The following TMEM63A variants were observed in gnomAD, a reference collection of about 807,000 sequenced individuals.
TMEM63A encodes the protein mechanosensitive cation channel TMEM63A.
In TMEM63A, 76 loss-of-function variants were observed where a neutral mutation model predicts 100.6. That is an observed-to-expected ratio of 0.76 (90% CI 0.63 to 0.91). The LOEUF (loss-of-function observed/expected upper bound fraction) is 0.91. Among genes scored for constraint, TMEM63A ranks in the 40% least tolerant of loss-of-function variants. TMEM63A has a pLI of 0.00. For missense variants in TMEM63A, 876 were observed against 1,008.8 expected, an observed-to-expected ratio of 0.87 and a Z score of 1.78; for synonymous variants, 401 against 401.1, an observed-to-expected ratio of 1.00 and a Z score of 0.00.
chr1:225,860,849 T>C lies in TMEM63A; in HGVS notation c.1223+11A>G. 1.2e-6 allele frequency: 2 copies of C among 1,603,324 alleles called. No individual in the cohort carries two copies. The highest frequency in any genetic ancestry group is 2.2e-5 in the East Asian group (1 of 44,540). ...GCCTCTCTCCCACCTCTCCTTGGTC[T>C]AGGAGCTTACCAGCAGATGTCCTCA... On this transcript the variant is annotated intron_variant, in intron 14 of 24. Transcript: ENST00000366835.
intron 14 of TMEM63A, 160 bp from the exon 15 acceptor site, chr1:225,859,509 A>G (rs989119935): frequency 8.5e-6 from 7 of 823,464 alleles, no homozygotes; most frequent in African/African-American, 5.2e-5. Context: ...TAGGTCCCCA[A>G]GAGCTCAGAG....
At chr1:225,875,199 A>C (rs1279110273) in intron 3 of TMEM63A, among the ~76,000 whole-genome samples, 1 of 152,164 alleles carries the variant, frequency 6.6e-6, no homozygotes, top group Non-Finnish European at 1.5e-5. Context: ...CACCACGAGA[A>C]CCTGTGCTCG....
chr1:225,856,549 A>G, intron 17 of TMEM63A, 103 bp downstream of exon 17: 1 of 1,173,014 alleles, frequency 8.5e-7, no homozygotes, highest in Non-Finnish European at 1.2e-6. Flanking sequence ...AGATATTGTT[A>G]GAGGTTTGCT....
intron 18 of TMEM63A, among the ~76,000 whole-genome samples, chr1:225,854,024 C>G (rs1194978519): frequency 6.6e-6 from 1 of 152,170 alleles, no homozygotes; most frequent in East Asian, 1.9e-4. Flanking sequence ...GGGGCACAAA[C>G]AAGCAGACAA....
chr1:225,879,914 CAGAG>C (rs1468087444), intron 1 of TMEM63A, among the ~76,000 whole-genome samples: 1 of 152,204 alleles, frequency 6.6e-6, no homozygotes, highest in Admixed American at 6.5e-5. Flanking sequence ...AAAATGCTCA[CAGAG>C]AGAGCATTGT....
Position 225,877,447 on chromosome 1 carries a change from AC to A in TMEM63A, c.133del (p.Val45SerfsTer12), listed in dbSNP as rs761344226. On this transcript the variant is annotated frameshift_variant, in exon 3 of 25. Transcript: ENST00000366835. LOFTEE classifies it high-confidence loss of function. ...SAKNSTVLQG[V>X]TFGGIPTVLL... ...GACAGTGGGGATGCCACCAAAGGTG[AC>A]CCCCTGGAGCACGGTGCTGTTTTTG... 8 of 1,614,114 alleles carry A rather than the reference AC, an allele frequency of 5.0e-6. No individual in the cohort carries two copies. The Admixed American group carries it at 1.3e-4, about 27-fold the overall frequency.
In TMEM63A at chr1:225,848,489, T is replaced by A; in HGVS notation, c.2250+3A>T. The A allele has an allele frequency of 1.9e-6, 3 of 1,614,084 alleles. No individual in the cohort carries two copies. Among genetic ancestry groups the A allele is most frequent in the Non-Finnish European group, 2.5e-6 (3 of 1,180,006 alleles). On this transcript the variant is annotated splice_donor_region_variant and intron_variant, in intron 23 of 24. Transcript: ENST00000366835. ...AGCTCAGAGGCTGAGGGGCACAGCTTACTGTGAACGGTGGGGGCATGTGGG... is the reference window on the plus strand; with the variant it reads ...AGCTCAGAGGCTGAGGGGCACAGCTAACTGTGAACGGTGGGGGCATGTGGG...
chr1:225,877,139 T>C (rs765943676), intron 3 of TMEM63A, among the ~76,000 whole-genome samples: 1 of 152,178 alleles, frequency 6.6e-6, no homozygotes, highest in Non-Finnish European at 1.5e-5. Flanking sequence ...ATCACAGGCA[T>C]AGCTATATGA....
At chr1:225,875,728 T>A (rs975948959) in intron 3 of TMEM63A, among the ~76,000 whole-genome samples, 9 of 151,854 alleles carry the variant, frequency 5.9e-5, no homozygotes, top group Non-Finnish European at 7.4e-5. Context: ...CTCTGGCTCT[T>A]ATGTGTCCCC....
intron 20 of TMEM63A, among the ~76,000 whole-genome samples, chr1:225,850,690 C>A (rs1669282914): frequency 6.6e-6 from 1 of 152,148 alleles, no homozygotes; most frequent in Non-Finnish European, 1.5e-5. Context: ...GCCGCACTGA[C>A]AGGCAAAATA....
intron 15 of TMEM63A, among the ~76,000 whole-genome samples, chr1:225,857,382 G>T (rs80254295): frequency 3.8e-4 from 5 of 13,288 alleles, no homozygotes; most frequent in Non-Finnish European, 7.4e-4. Context: ...TGGCCGGCGG[G>T]GCGGGGGGGG....
In TMEM63A at chr1:225,856,001, T is replaced by C. The variant is rs370491404; in HGVS notation, c.1572-61A>G. On this transcript the variant is annotated intron_variant, in intron 17 of 24. Coordinates refer to ENST00000366835, the MANE Select transcript of TMEM63A (RefSeq NM_014698.3). The stretch of plus-strand genomic sequence containing the variant: ...CAGCATTCCATATTGTCACTACACA[T>C]GCTTTCATTTTCTTTTGCTCTAAAA... 5.7e-5 allele frequency: 88 copies of C among 1,548,308 alleles called. 1 individual carries two copies. Among genetic ancestry groups the C allele is most frequent in the Non-Finnish European group, 7.7e-5 (87 of 1,131,782 alleles).
intron 2 of TMEM63A, among the ~76,000 whole-genome samples, chr1:225,877,860 A>AG (rs1170263083): frequency 6.6e-6 from 1 of 152,160 alleles, no homozygotes; most frequent in Non-Finnish European, 1.5e-5. Context: ...AGATCCCCAG[A>AG]GGGGGCGACA....
chr1:225,865,705 G>T lies in TMEM63A; in HGVS notation c.746+192C>A. 1 of 603,150 alleles carries T rather than the reference G, an allele frequency of 1.7e-6. No individual in the cohort carries two copies. Among genetic ancestry groups the T allele is most frequent in the Non-Finnish European group, 3.0e-6 (1 of 338,180 alleles). 37.4% of individuals were successfully genotyped at this position (603,150 alleles called of 1,614,324 possible). A position where few individuals can be genotyped will look rare whatever the true frequency, so the allele number is the denominator to read the frequency against. ...ATAGGCCACCAGGGCGCTATTCACTGCACAGCACCAGCAGGGCTGGCACAC... is the reference window on the plus strand; with the variant it reads ...ATAGGCCACCAGGGCGCTATTCACTTCACAGCACCAGCAGGGCTGGCACAC... On this transcript the variant is annotated intron_variant, in intron 10 of 24. Coordinates refer to ENST00000366835, the MANE Select transcript of TMEM63A (RefSeq NM_014698.3). The surrounding 1 kb of genome is among the most constrained non-coding windows in gnomAD (Gnocchi z 4.6).
intron 14 of TMEM63A, 78 bp downstream of exon 14, chr1:225,860,782 A>C: frequency 1.3e-6 from 2 of 1,500,866 alleles, no homozygotes; most frequent in African/African-American, 2.8e-5. Flanking sequence ...GCCAGGTCAC[A>C]CCTGTGCTCC....
rs572096294 is a variant in TMEM63A at position 225,878,514 on chromosome 1, C to T, written c.-15+706G>A. On this transcript the variant is annotated intron_variant, in intron 2 of 24. Coordinates refer to ENST00000366835, the MANE Select transcript of TMEM63A (RefSeq NM_014698.3). ...GGTTGTTGACCTTTCCTTCCTGAGG[C>T]TCCTGGCGCCCCTGGTGAAGCTAAT... is the stretch of plus-strand genomic sequence containing the variant. 1.5e-4 allele frequency among the ~76,000 whole-genome samples: 23 copies of T among 152,302 alleles called. No homozygotes were observed. The South Asian group carries it at 4.8e-3, about 32-fold the overall frequency.
chr1:225,842,342 C>A, downstream of TMEM63A: 1 of 1,533,878 alleles, frequency 6.5e-7, no homozygotes, highest in South Asian at 1.1e-5. Flanking sequence ...CTGAGTCTCT[C>A]CCTTGCTCCC....
chr1:225,845,566 G>A lies in TMEM63A; in HGVS notation c.*1373C>T, dbSNP rs1174725731. The A allele has an allele frequency of 1.8e-5, 11 of 605,836 alleles. No homozygotes were observed. Among genetic ancestry groups the A allele is most frequent in the Admixed American group, 2.9e-5 (1 of 34,236 alleles). The allele number at this position is 605,836 out of a possible 1,614,324, so 37.5% of individuals were successfully genotyped here. On this transcript the variant is annotated 3_prime_UTR_variant, in exon 25 of 25. Coordinates refer to ENST00000366835, the MANE Select transcript of TMEM63A (RefSeq NM_014698.3). ...TGATAAACGACTTTACTCTAAAAGCGGCTGGAACTCAGTGACATGAGCGTG... is the reference window on the plus strand; with the variant it reads ...TGATAAACGACTTTACTCTAAAAGCAGCTGGAACTCAGTGACATGAGCGTG...
chr1:225,844,242 G>A (rs1477998262), downstream of TMEM63A, among the ~76,000 whole-genome samples: 1 of 151,970 alleles, frequency 6.6e-6, no homozygotes, highest in Admixed American at 6.6e-5. Context: ...AGGAGAGAGG[G>A]GACAGGTGTG....
Sources: allele counts gnomAD v4.1 joint callset (sites outside exome capture counted in the v4.1 genomes callset), GRCh38; gene constraint gnomAD v4.1.1; non-coding constraint Gnocchi (gnomAD v3.1); transcripts MANE v1.5; gene names NCBI Gene and HGNC (gene_info 2026-07-23, HGNC 2026-07-21).